The following DSE variants were observed in gnomAD, a reference collection of about 807,000 sequenced individuals.
DSE encodes dermatan sulfate epimerase.
In DSE, 36 loss-of-function variants were observed where a neutral mutation model predicts 84.4. The observed-to-expected ratio is 0.43, with a 90% CI of 0.33 to 0.56. The LOEUF (loss-of-function observed/expected upper bound fraction) is 0.56, where lower values mean the gene tolerates loss of function less well. Ranked by LOEUF, DSE falls within the 20% of genes least tolerant of loss-of-function variation. The pLI, the probability that DSE is intolerant of heterozygous loss-of-function variation, is 0.06. For missense variants in DSE, 862 were observed against 1,169.6 expected, an observed-to-expected ratio of 0.74 and a Z score of 3.84; for synonymous variants, 410 against 430.1, an observed-to-expected ratio of 0.95 and a Z score of 0.58.
intron 1 of DSE, among the ~76,000 whole-genome samples, chr6:116,377,237 C>A (rs1333166527): frequency 6.6e-6 from 1 of 152,148 alleles, no homozygotes; most frequent in East Asian, 1.9e-4. Context: ...AAATAATAGG[C>A]ATTTAATGCG....
intron 2 of DSE, chr6:116,279,805 C>T: frequency 6.2e-7 from 1 of 1,613,014 alleles, no homozygotes; most frequent in Non-Finnish European, 8.5e-7. Context: ...GGGAGTGGTC[C>T]TCTTGACCCC....
chr6:116,375,614 G>A (rs1335311519), intron 1 of DSE: 1 of 939,716 alleles, frequency 1.1e-6, no homozygotes, highest in Non-Finnish European at 1.3e-6. Flanking sequence ...ATTAGTTGAT[G>A]CTGAAGTCTT....
chr6:116,308,585 T>C (rs1775483071), intron 2 of DSE, among the ~76,000 whole-genome samples: 1 of 152,248 alleles, frequency 6.6e-6, no homozygotes, highest in Non-Finnish European at 1.5e-5. Flanking sequence ...TTACTAGCTA[T>C]ATTTTTAAAG....
intron 1 of DSE, among the ~76,000 whole-genome samples, chr6:116,389,331 C>A (rs1780750904): frequency 1.3e-5 from 2 of 151,500 alleles, no homozygotes; most frequent in Admixed American, 1.3e-4. Flanking sequence ...CTCCAGCTTG[C>A]ACCCTCAAAC....
upstream of DSE, chr6:116,369,843 A>G: frequency 7.7e-6 from 9 of 1,167,444 alleles, no homozygotes; most frequent in Non-Finnish European, 1.0e-5. Context: ...ACCTCTGAGG[A>G]TAGAGGAATT....
At chr6:116,382,990 C>T (rs1295229314) in intron 1 of DSE, among the ~76,000 whole-genome samples, 2 of 152,154 alleles carry the variant, frequency 1.3e-5, no homozygotes, top group Non-Finnish European at 2.9e-5. Context: ...GAGAACTAGG[C>T]TGTCTCAGGA....
At chr6:116,383,308 A>C (rs1044286108) in intron 1 of DSE, among the ~76,000 whole-genome samples, 4 of 152,196 alleles carry the variant, frequency 2.6e-5, no homozygotes, top group African/African-American at 9.7e-5. Flanking sequence ...AGGTTTGATC[A>C]AAAGAGAAGT....
At chr6:116,269,746 CTA>C (rs1238165996) in intron 2 of DSE, among the ~76,000 whole-genome samples, 1 of 152,106 alleles carries the variant, frequency 6.6e-6, no homozygotes, top group Non-Finnish European at 1.5e-5. Flanking sequence ...TAAGAAAAAA[CTA>C]GATGCATGAA....
chr6:116,308,764 G>A (rs1473558937), intron 2 of DSE, among the ~76,000 whole-genome samples: 6 of 151,706 alleles, frequency 4.0e-5, no homozygotes, highest in Admixed American at 1.3e-4. Flanking sequence ...TGCAAGCTCC[G>A]CCTCCCGGGT....
At chr6:116,408,200 C>T (rs1347504236) in intron 2 of DSE, among the ~76,000 whole-genome samples, 1 of 152,192 alleles carries the variant, frequency 6.6e-6, no homozygotes, top group East Asian at 1.9e-4. Flanking sequence ...AGATTCGGCT[C>T]CAAAGAAACT....
chr6:116,407,442 A>G (rs1782007617), intron 2 of DSE, among the ~76,000 whole-genome samples: 1 of 152,240 alleles, frequency 6.6e-6, no homozygotes, highest in East Asian at 1.9e-4. Flanking sequence ...CTGTATGGAC[A>G]GATGACTTTC....
chr6:116,258,922 T>C (rs1337122672), exon 2 of DSE: 1 of 1,565,804 alleles, frequency 6.4e-7, no homozygotes, highest in Non-Finnish European at 8.8e-7. Flanking sequence ...AATGGGACAC[T>C]GAGCTTTGTG....
intron 2 of DSE, among the ~76,000 whole-genome samples, chr6:116,323,651 C>T (rs1490198107): frequency 6.6e-6 from 1 of 151,950 alleles, no homozygotes; most frequent in African/African-American, 2.4e-5. Flanking sequence ...ATGAACAACA[C>T]AAAGATTTTT....
rs577657742 is a variant in DSE at position 116,339,896 on chromosome 6, C to G, written c.-53-59302C>G. ...ACCAGGCAATAGAAATATAGAAACC[C>G]TATTATAAGTTTTGAATGTCTCTTT... is the stretch of plus-strand genomic sequence containing the variant. On this transcript the variant is annotated intron_variant, in intron 2 of 3. Coordinates refer to the DSE transcript ENST00000430252. 2.6e-5 allele frequency among the ~76,000 whole-genome samples: 4 copies of G among 152,220 alleles called. No individual in the cohort carries two copies. In the South Asian group the frequency reaches 8.3e-4, roughly 32 times the overall value.
intron 2 of DSE, among the ~76,000 whole-genome samples, chr6:116,316,173 A>G (rs1775966317): frequency 6.6e-6 from 1 of 152,212 alleles, no homozygotes; most frequent in Non-Finnish European, 1.5e-5. Flanking sequence ...TTAATTTTAT[A>G]AATCTTTAAA....
upstream of DSE, among the ~76,000 whole-genome samples, chr6:116,368,929 C>A (rs951577348): frequency 5.2e-4 from 1 of 1,932 alleles, no homozygotes. Flanking sequence ...ATGGGGTGGG[C>A]GGGGGCGGGG....
At chr6:116,424,931 C>G (rs1783332130) in intron 2 of DSE, among the ~76,000 whole-genome samples, 1 of 152,260 alleles carries the variant, frequency 6.6e-6, no homozygotes, top group South Asian at 2.1e-4. Context: ...ACTAATACAT[C>G]TTAACTTTTA....
intron 2 of DSE, among the ~76,000 whole-genome samples, chr6:116,302,354 T>C (rs995000865): frequency 6.6e-6 from 1 of 152,216 alleles, no homozygotes; most frequent in African/African-American, 2.4e-5. Flanking sequence ...GGTATCTCAT[T>C]GTGGTTTTGA....
At chr6:116,320,640 A>C (rs1048239386) in intron 2 of DSE, among the ~76,000 whole-genome samples, 1 of 152,162 alleles carries the variant, frequency 6.6e-6, no homozygotes, top group Non-Finnish European at 1.5e-5. Flanking sequence ...GTCAAGATCA[A>C]GGTACCAGCA....
Sources: gnomAD v4.1 joint callset for allele counts (sites outside exome capture counted in the v4.1 genomes callset) on GRCh38, gnomAD v4.1.1 for gene constraint, MANE v1.5 for transcripts, NCBI Gene and HGNC (gene_info 2026-07-23, HGNC 2026-07-21) for gene names.